Variants in MPPED1 observed in about 807,000 individuals in gnomAD.
The protein encoded by MPPED1 is metallophosphoesterase domain-containing protein 1.
MPPED1 carries 16 observed loss-of-function variants against 36.2 expected under a neutral mutation model. The observed-to-expected ratio is 0.44, with a 90% CI of 0.30 to 0.67. The LOEUF (loss-of-function observed/expected upper bound fraction) is 0.67. MPPED1 is among the 30% of genes least tolerant of loss of function. The pLI, the probability that MPPED1 is intolerant of heterozygous loss-of-function variation, is 0.10. For missense variants in MPPED1, 307 were observed against 453.4 expected, an observed-to-expected ratio of 0.68 and a Z score of 2.93; for synonymous variants, 199 against 191.3, an observed-to-expected ratio of 1.04 and a Z score of -0.33.
chr22:43,483,424 C>T (rs982043900), intron 4 of MPPED1, among the ~76,000 whole-genome samples: 5 of 152,212 alleles, frequency 3.3e-5, no homozygotes, highest in Non-Finnish European at 5.9e-5. Flanking sequence ...TCAAGGCGGC[C>T]GGTGATGCCA....
intron 1 of MPPED1, chr22:43,417,110 A>G (rs1929102062): frequency 2.9e-6 from 2 of 686,712 alleles, no homozygotes; most frequent in Non-Finnish European, 3.6e-6. Flanking sequence ...GGAATTAGAA[A>G]GTGTAATTTA....
chr22:43,414,298 C>T (rs916849092), intron 1 of MPPED1, among the ~76,000 whole-genome samples: 9 of 152,220 alleles, frequency 5.9e-5, no homozygotes, highest in East Asian at 3.9e-4. Context: ...CTAGGCAGTA[C>T]GGGCCTTGGT....
intron 3 of MPPED1, among the ~76,000 whole-genome samples, chr22:43,463,253 C>T (rs1931015907): frequency 6.6e-6 from 1 of 151,864 alleles, no homozygotes; most frequent in African/African-American, 2.4e-5. Context: ...TTCTCATCTC[C>T]AGTTTTTTCT....
intron 3 of MPPED1, among the ~76,000 whole-genome samples, chr22:43,449,957 G>A (rs888023583): frequency 2.6e-5 from 4 of 152,242 alleles, no homozygotes; most frequent in African/African-American, 9.6e-5. Flanking sequence ...GGAGGCAGCT[G>A]GAGAGATGGG....
At chr22:43,448,914 A>C (rs1008367501) in intron 3 of MPPED1, among the ~76,000 whole-genome samples, 1 of 151,986 alleles carries the variant, frequency 6.6e-6, no homozygotes, top group Non-Finnish European at 1.5e-5. Flanking sequence ...ATTTGTTTTT[A>C]ATAGCTAAGG....
chr22:43,423,296 C>T lies in MPPED1; in HGVS notation c.-78-1612C>T, dbSNP rs552758065. ...GCGTCCTGAAACTTGGCATCTGGTGCCCTGAGCCCTTTCCCAGGCCTTCTG... is the reference window on the plus strand; with the variant it reads ...GCGTCCTGAAACTTGGCATCTGGTGTCCTGAGCCCTTTCCCAGGCCTTCTG... On this transcript the variant is annotated intron_variant, in intron 1 of 6. Transcript: ENST00000443721. Among the ~76,000 whole-genome samples, 12 of 152,326 alleles carry T rather than the reference C, an allele frequency of 7.9e-5. No homozygotes were observed. In the South Asian group the frequency reaches 2.5e-3, roughly 32 times the overall value.
At chr22:43,495,541 G>GGTGGTGGAGGTA (rs1932269149) in intron 4 of MPPED1, among the ~76,000 whole-genome samples, 1 of 124,458 alleles carries the variant, frequency 8.0e-6, no homozygotes, top group Non-Finnish European at 1.8e-5. Flanking sequence ...TGGTGGAGAT[G>GGTGGTGGAGGTA]GTGGTGGTGG....
intron 3 of MPPED1, among the ~76,000 whole-genome samples, chr22:43,436,740 G>A (rs879393134): frequency 6.6e-6 from 1 of 152,276 alleles, no homozygotes; most frequent in Admixed American, 6.5e-5. Context: ...TTCCAGGGCA[G>A]AGAGGCTGGA....
At chr22:43,414,807 G>A (rs761229426) in intron 1 of MPPED1, among the ~76,000 whole-genome samples, 10 of 152,118 alleles carry the variant, frequency 6.6e-5, no homozygotes, top group South Asian at 2.1e-4. Context: ...AGATCTTTCC[G>A]TTCAGCAATA....
chr22:43,481,075 G>C (rs749575934), intron 4 of MPPED1, among the ~76,000 whole-genome samples: 5 of 152,042 alleles, frequency 3.3e-5, no homozygotes, highest in Non-Finnish European at 2.9e-5. Context: ...CACCTGCCTC[G>C]GCCTCCCAGA....
chr22:43,439,531 C>T (rs923733448), intron 3 of MPPED1, among the ~76,000 whole-genome samples: 3 of 152,246 alleles, frequency 2.0e-5, no homozygotes, highest in African/African-American at 7.2e-5. Context: ...GCTGTCTTCA[C>T]CCCTGTTTCC....
At chr22:43,472,901 T>G (rs1028148753) in intron 3 of MPPED1, among the ~76,000 whole-genome samples, 5 of 152,272 alleles carry the variant, frequency 3.3e-5, no homozygotes, top group African/African-American at 1.2e-4. Context: ...TGGCTGTAGT[T>G]ATAGGACATG....
intron 4 of MPPED1, among the ~76,000 whole-genome samples, chr22:43,489,930 C>T (rs1375261119): frequency 6.6e-6 from 1 of 152,232 alleles, no homozygotes; most frequent in Non-Finnish European, 1.5e-5. Flanking sequence ...ATCCTCCTAA[C>T]TGCTCTCCTC....
chr22:43,447,883 A>ATACATATATT (rs1321289636), intron 3 of MPPED1, among the ~76,000 whole-genome samples: 1 of 67,738 alleles, frequency 1.5e-5, no homozygotes, highest in Non-Finnish European at 2.6e-5. Context: ...ATATATATAT[A>ATACATATATT]TTTTTTTTTT....
At chr22:43,450,756 C>T (rs897572888) in intron 3 of MPPED1, among the ~76,000 whole-genome samples, 5 of 151,894 alleles carry the variant, frequency 3.3e-5, no homozygotes, top group Middle Eastern at 3.4e-3. Flanking sequence ...GTCAGAGTTT[C>T]GTTCTTGCTG....
At chr22:43,443,383 G>A (rs528825813) in intron 3 of MPPED1, among the ~76,000 whole-genome samples, 1 of 152,326 alleles carries the variant, frequency 6.6e-6, no homozygotes, top group Admixed American at 6.5e-5. Flanking sequence ...GCAGGCAGGA[G>A]AGGACGCCAG....
chr22:43,463,896 T>C lies in MPPED1; in HGVS notation c.407-10840T>C, dbSNP rs544065774. Among the ~76,000 whole-genome samples the C allele has an allele frequency of 1.7e-4, 25 of 151,170 alleles. 2 individuals are homozygous for C. The South Asian group carries it at 5.3e-3, about 32-fold the overall frequency. ...CTTTCTCTTTCTGTCTGTCTGTCTT[T>C]CTTTCTTTTCTTTTCTTTCTTCTTT... On this transcript the variant is annotated intron_variant, in intron 3 of 6. Coordinates refer to ENST00000443721, the MANE Select transcript of MPPED1 (RefSeq NM_001044370.2).
At chr22:43,469,881 G>A (rs920416636) in intron 3 of MPPED1, among the ~76,000 whole-genome samples, 5 of 151,848 alleles carry the variant, frequency 3.3e-5, no homozygotes, top group Admixed American at 6.5e-5. Context: ...CTATGTATCC[G>A]TCTGTCTATA....
Position 43,425,215 on chromosome 22 carries a change from T to C in MPPED1, c.224+6T>C. On this transcript the variant is annotated splice_donor_region_variant and intron_variant, in intron 2 of 6. Coordinates refer to ENST00000443721, the MANE Select transcript of MPPED1 (RefSeq NM_001044370.2). ...CAGCCACCGCATGTGCAGATGTAAG[T>C]GGGACCGGTGGGGTGGGGGTGGGGG... 4.7e-6 allele frequency: 5 copies of C among 1,064,448 alleles called. No homozygotes were observed. Among genetic ancestry groups the C allele is most frequent in the Non-Finnish European group, 6.6e-6 (5 of 759,434 alleles). The allele number at this position is 1,064,448 out of a possible 1,614,324, so 65.9% of individuals were successfully genotyped here.
Sources: gnomAD v4.1 joint callset for allele counts (sites outside exome capture counted in the v4.1 genomes callset) on GRCh38, gnomAD v4.1.1 for gene constraint, MANE v1.5 for transcripts, NCBI Gene and HGNC (gene_info 2026-07-23, HGNC 2026-07-21) for gene names.